GPD1L: variants seen among roughly 807,000 people sequenced by gnomAD.
The protein encoded by GPD1L is glycerol-3-phosphate dehydrogenase 1-like protein.
GPD1L carries 17 observed loss-of-function variants against 32.9 expected under a neutral mutation model. The observed-to-expected ratio is 0.52, with a 90% CI of 0.35 to 0.78. The LOEUF (loss-of-function observed/expected upper bound fraction) is 0.78, where lower values mean the gene tolerates loss of function less well. GPD1L is among the 30% of genes least tolerant of loss of function. The pLI is 0.01. For synonymous variants in GPD1L, 187 were observed against 165.9 expected, an observed-to-expected ratio of 1.13 and a Z score of -0.98; for missense variants, 361 against 447.8, an observed-to-expected ratio of 0.81 and a Z score of 1.75.
rs112977925 is a variant in GPD1L at position 32,151,475 on chromosome 3, T to A, written c.618+4741T>A. 5.6e-3 allele frequency: 2,361 copies of A among 419,728 alleles called. 64 individuals carry two copies. The highest frequency in any genetic ancestry group is 0.044 in the African/African-American group (2,102 of 47,798). 26.0% of individuals were successfully genotyped at this position (419,728 alleles called of 1,614,324 possible). On this transcript the variant is annotated intron_variant, in intron 5 of 7. Transcript: ENST00000282541. ...TTTTAAAAAAAGGTTTTTTAGCTTA[T>A]GTATTTATTTTTTATTTTTTTTGAG...
chr3:32,119,767 A>C (rs1255115353), intron 1 of GPD1L, among the ~76,000 whole-genome samples: 1 of 152,182 alleles, frequency 6.6e-6, no homozygotes, highest in Non-Finnish European at 1.5e-5. Context: ...TTTAAACCAC[A>C]AAGGACCACG....
At chr3:32,131,847 C>T (rs899113249) in intron 2 of GPD1L, among the ~76,000 whole-genome samples, 9 of 152,194 alleles carry the variant, frequency 5.9e-5, no homozygotes, top group Admixed American at 5.2e-4. Flanking sequence ...ATTTTACATT[C>T]CTATCAACAG....
chr3:32,135,530 G>A (rs1388379118), intron 2 of GPD1L, among the ~76,000 whole-genome samples: 1 of 152,110 alleles, frequency 6.6e-6, no homozygotes. Context: ...TTGGCTCACT[G>A]CAACCTCCCC....
chr3:32,140,600 C>T (rs1700730139), intron 4 of GPD1L, among the ~76,000 whole-genome samples: 1 of 152,198 alleles, frequency 6.6e-6, no homozygotes, highest in African/African-American at 2.4e-5. Context: ...AGCATTCTGA[C>T]TTGCTGTGAT....
intron 1 of GPD1L, among the ~76,000 whole-genome samples, chr3:32,115,758 C>CATTTTTT (rs1700323537): frequency 4.4e-5 from 2 of 44,994 alleles, no homozygotes; most frequent in Non-Finnish European, 9.7e-5. Context: ...GTACGTTGAA[C>CATTTTTT]TTTTTTTTTT....
At chr3:32,160,363 A>G (rs1201532225) in intron 7 of GPD1L, among the ~76,000 whole-genome samples, 1 of 39,724 alleles carries the variant, frequency 2.5e-5, no homozygotes, top group Non-Finnish European at 3.9e-5. Flanking sequence ...AGATGGATGG[A>G]TGGATGGATG....
chr3:32,158,535 TA>T, intron 5 of GPD1L: 1 of 423,702 alleles, frequency 2.4e-6, no homozygotes, highest in South Asian at 2.2e-5. Context: ...TATGGTTGCA[TA>T]AAGCATTCCA....
intron 1 of GPD1L, among the ~76,000 whole-genome samples, chr3:32,109,187 G>T (rs1700212299): frequency 6.6e-6 from 1 of 152,248 alleles, no homozygotes; most frequent in South Asian, 2.1e-4. Context: ...CTTGAGTGCA[G>T]TGTCAGCTCC....
At chr3:32,162,804 A>T (rs150035804) in intron 7 of GPD1L, among the ~76,000 whole-genome samples, 218 of 152,198 alleles carry the variant, frequency 1.4e-3, no homozygotes, top group African/African-American at 5.0e-3. Flanking sequence ...TCTGTCACCC[A>T]GGCTGGAGTG....
intron 4 of GPD1L, among the ~76,000 whole-genome samples, chr3:32,142,840 C>T (rs1700766005): frequency 6.6e-6 from 1 of 152,044 alleles, no homozygotes; most frequent in Non-Finnish European, 1.5e-5. Flanking sequence ...CATTTCTTTA[C>T]CCGGTGCTTC....
intron 5 of GPD1L, among the ~76,000 whole-genome samples, chr3:32,155,600 G>A (rs7648515): frequency 0.39 from 59,766 of 151,930 alleles, 12,902 homozygotes; most frequent in East Asian, 0.6. Context: ...CCTAAGCCTC[G>A]CCACATTGCA....
chr3:32,159,685 C>T lies in GPD1L; in HGVS notation c.959+11C>T, dbSNP rs370985609. The T allele has an allele frequency of 1.7e-5, 25 of 1,490,712 alleles. No homozygotes were observed. The African/African-American group carries it at 3.0e-4, about 18-fold the overall frequency. 92.3% of individuals were successfully genotyped at this position (1,490,712 alleles called of 1,614,324 possible). A position where few individuals can be genotyped will look rare whatever the true frequency, so the allele number is the denominator to read the frequency against. On this transcript the variant is annotated intron_variant, in intron 7 of 7. Transcript: ENST00000282541. Reference sequence around the variant, plus strand: ...GGGACTACTGGACAAGTAAGTCTCTCAGTCGCCCATGAGACCAGATAAATG... The same window carrying T: ...GGGACTACTGGACAAGTAAGTCTCTTAGTCGCCCATGAGACCAGATAAATG...
At chr3:32,156,279 C>T (rs143312268) in intron 5 of GPD1L, among the ~76,000 whole-genome samples, 286 of 152,310 alleles carry the variant, frequency 1.9e-3, no homozygotes, top group African/African-American at 6.4e-3. Flanking sequence ...GAGAAGCTTT[C>T]GCAGGTTCAG....
chr3:32,163,404 G>A (rs573698050), intron 7 of GPD1L, among the ~76,000 whole-genome samples: 9 of 152,026 alleles, frequency 5.9e-5, no homozygotes, highest in South Asian at 2.1e-4. Flanking sequence ...TCCTGACCTC[G>A]TGATCCACCT....
At chr3:32,154,170 G>A (rs1700956988) in intron 5 of GPD1L, among the ~76,000 whole-genome samples, 1 of 152,086 alleles carries the variant, frequency 6.6e-6, no homozygotes, top group Non-Finnish European at 1.5e-5. Context: ...ACTAAACTGG[G>A]TTGCAGCCCA....
At chr3:32,165,603 T>C (rs1328276264) in intron 7 of GPD1L, among the ~76,000 whole-genome samples, 4 of 152,164 alleles carry the variant, frequency 2.6e-5, no homozygotes, top group Admixed American at 6.5e-5. Flanking sequence ...CAAGCTTAAT[T>C]AGGCAGAGGA....
intron 7 of GPD1L, among the ~76,000 whole-genome samples, chr3:32,162,725 A>C (rs2125499921): frequency 6.6e-6 from 1 of 152,206 alleles, no homozygotes; most frequent in African/African-American, 2.4e-5. Context: ...ATTAATTGGG[A>C]GGAGGGCACA....
intron 5 of GPD1L, among the ~76,000 whole-genome samples, chr3:32,157,455 C>G (rs1701009923): frequency 6.6e-6 from 1 of 152,176 alleles, no homozygotes; most frequent in Non-Finnish European, 1.5e-5. Context: ...CAGCTCTCCC[C>G]TGGGGGCATC....
intron 5 of GPD1L, chr3:32,151,311 T>A: frequency 1.6e-6 from 1 of 644,708 alleles, no homozygotes. Flanking sequence ...GGCAAGAATC[T>A]TGCCCTTAAC....
Sources: allele counts gnomAD v4.1 joint callset (sites outside exome capture counted in the v4.1 genomes callset), GRCh38; gene constraint gnomAD v4.1.1; transcripts MANE v1.5; gene names NCBI Gene and HGNC (gene_info 2026-07-23, HGNC 2026-07-21).